The following CBR4 variants were observed in gnomAD, a reference collection of about 807,000 sequenced individuals.
The protein encoded by CBR4 is 3-oxoacyl-[acyl-carrier-protein] reductase.
A neutral mutation model predicts 21.0 loss-of-function variants in CBR4; 22 were observed. The observed-to-expected ratio is 1.05, with a 90% CI of 0.75 to 1.50. CBR4 has a LOEUF of 1.50. CBR4 is among the 40% of genes most tolerant of loss of function. The pLI, the probability that CBR4 is intolerant of heterozygous loss-of-function variation, is 0.00. For missense variants in CBR4, 302 were observed against 286.3 expected (o/e 1.05, Z -0.40); for synonymous variants, 100 against 104.4 (o/e 0.96, Z 0.26).
At chr4:168,898,399 C>A (rs1755725545) in intron 2 of CBR4, 4 of 797,722 alleles carry the variant, frequency 5.0e-6, no homozygotes, top group African/African-American at 1.7e-5. Flanking sequence ...GTAAAAATAT[C>A]ACTGTCTTCT....
At chr4:169,009,512 A>C (rs527481809) in intron 1 of CBR4, among the ~76,000 whole-genome samples, 1 of 152,032 alleles carries the variant, frequency 6.6e-6, no homozygotes, top group Admixed American at 6.6e-5. Context: ...TGGTACCTGC[A>C]CTCCCACCTT....
At chr4:168,970,660 CCA>C (rs1388009606) in intron 2 of CBR4, among the ~76,000 whole-genome samples, 1 of 151,982 alleles carries the variant, frequency 6.6e-6, no homozygotes, top group Non-Finnish European at 1.5e-5. Flanking sequence ...CTGCAAGGCC[CCA>C]GAGTCCATTA....
chr4:168,947,520 G>A (rs564207641), intron 2 of CBR4, among the ~76,000 whole-genome samples: 43 of 152,154 alleles, frequency 2.8e-4, no homozygotes, highest in African/African-American at 9.6e-4. Flanking sequence ...ATTTGTAATC[G>A]TTTATTCCTC....
intron 4 of CBR4, among the ~76,000 whole-genome samples, chr4:168,995,531 T>A (rs1441192448): frequency 6.6e-6 from 1 of 152,166 alleles, no homozygotes; most frequent in Non-Finnish European, 1.5e-5. Flanking sequence ...AGACATGGGC[T>A]GACATCCTTC....
intron 4 of CBR4, among the ~76,000 whole-genome samples, chr4:168,991,156 T>C (rs1764904141): frequency 6.6e-6 from 1 of 152,188 alleles, no homozygotes; most frequent in Non-Finnish European, 1.5e-5. Context: ...GACACTAAAA[T>C]ATCTGACCCC....
At chr4:168,984,025 C>T (rs1578980212), downstream of CBR4, among the ~76,000 whole-genome samples, 1 of 152,190 alleles carries the variant, frequency 6.6e-6, no homozygotes, top group Non-Finnish European at 1.5e-5. Context: ...TCTCACCACT[C>T]CTATTCAACA....
chr4:168,921,789 C>T (rs1377410151), intron 2 of CBR4: 1 of 1,383,802 alleles, frequency 7.2e-7, no homozygotes, highest in East Asian at 2.3e-5. Flanking sequence ...GAACATCAGA[C>T]TTACAAATGT....
chr4:168,970,942 G>A (rs957014668), intron 2 of CBR4, among the ~76,000 whole-genome samples: 2 of 152,148 alleles, frequency 1.3e-5, no homozygotes, highest in African/African-American at 4.8e-5. Flanking sequence ...AAACATGCGT[G>A]TGCATGTGTC....
At chr4:168,968,023 CATA>C (rs1305344816) in intron 2 of CBR4, among the ~76,000 whole-genome samples, 1 of 152,236 alleles carries the variant, frequency 6.6e-6, no homozygotes, top group African/African-American at 2.4e-5. Flanking sequence ...TCTCACTTTC[CATA>C]ATGACAAATT....
At chr4:168,927,410 CA>C (rs1762700059) in intron 2 of CBR4, 1 of 232,746 alleles carries the variant, frequency 4.3e-6, no homozygotes. Context: ...GTGGAGCACA[CA>C]TGCTGTGGAG....
At chr4:169,006,992 C>T (rs1261757591) in intron 2 of CBR4, 101 bp from the exon 3 acceptor site, 1 of 882,634 alleles carries the variant, frequency 1.1e-6, no homozygotes, top group Non-Finnish European at 1.8e-6. Flanking sequence ...AGAAGTGCTT[C>T]CTATCTGAGC....
At chr4:168,991,547 G>C (rs1764923833) in intron 4 of CBR4, among the ~76,000 whole-genome samples, 2 of 152,066 alleles carry the variant, frequency 1.3e-5, no homozygotes, top group South Asian at 2.1e-4. Context: ...AGTAAAGCCT[G>C]CCAAGAAAAT....
At chr4:168,942,260 C>T (rs1763285212) in intron 2 of CBR4, among the ~76,000 whole-genome samples, 1 of 151,810 alleles carries the variant, frequency 6.6e-6, no homozygotes, top group African/African-American at 2.4e-5. Context: ...GGAGGGAGAG[C>T]ATTAGAACAA....
In CBR4 at chr4:168,898,536, T is replaced by C. The variant is rs749391847; in HGVS notation, n.170-3771A>G. ...TGTGAACAGAGACTCATCAGTGAAA[T>C]AGAGTACAGGCTAGAAAGGTCTCCT... On this transcript the variant is annotated intron_variant and non_coding_transcript_variant, in intron 2 of 3. Coordinates refer to the CBR4 transcript ENST00000509108. 17 of 1,613,724 alleles carry C rather than the reference T, an allele frequency of 1.1e-5. No homozygotes were observed. The highest frequency in any genetic ancestry group is 1.4e-5 in the Non-Finnish European group (17 of 1,179,710).
intron 4 of CBR4, among the ~76,000 whole-genome samples, chr4:168,991,710 T>C (rs192859649): frequency 2.7e-4 from 41 of 152,310 alleles, no homozygotes; most frequent in Non-Finnish European, 5.3e-4. Flanking sequence ...CAAATACGTA[T>C]TAATAAAATG....
At chr4:168,928,992 T>C (rs1035902382) in intron 2 of CBR4, among the ~76,000 whole-genome samples, 6 of 152,150 alleles carry the variant, frequency 3.9e-5, no homozygotes, top group African/African-American at 1.4e-4. Flanking sequence ...TGAGAGAAGG[T>C]GTGTATACAC....
intron 2 of CBR4, among the ~76,000 whole-genome samples, chr4:168,895,364 G>C (rs1754889355): frequency 6.6e-6 from 1 of 152,170 alleles, no homozygotes; most frequent in Admixed American, 6.5e-5. Flanking sequence ...CCTGGCAGCA[G>C]AGTGAGACTT....
At position 169,002,200 on chromosome 4, in the gene CBR4, T is replaced by C; in HGVS notation, c.406A>G (p.Ile136Val). 1 of 1,097,152 alleles carries C rather than the reference T, an allele frequency of 9.1e-7. No individual in the cohort carries two copies. The highest frequency in any genetic ancestry group is 1.2e-6 in the Non-Finnish European group (1 of 838,826). 68.0% of individuals were successfully genotyped at this position (1,097,152 alleles called of 1,614,324 possible). ...CCAGAGTTGCCTTTTAAGCCAACAA[T>C]GCTTCCTAGGACAAAAAAAAAAAAA... ...QGGSIVNVGS[I>V]VGLKGNSGQS... is the part of the protein sequence containing the mutation. Residue 136 changes from isoleucine (I) to valine (V), a missense_variant, in exon 4 of 5, where the codon ATT becomes GTT. Physicochemically the swap from Ile to Val is conservative, Grantham distance 29. Transcript: ENST00000306193.
At chr4:168,973,465 T>C (rs1485066903) in intron 2 of CBR4, among the ~76,000 whole-genome samples, 2 of 152,148 alleles carry the variant, frequency 1.3e-5, no homozygotes, top group Admixed American at 1.3e-4. Context: ...GTAGCTGGGA[T>C]TACAGGCACC....
Sources: allele counts gnomAD v4.1 joint callset (sites outside exome capture counted in the v4.1 genomes callset), GRCh38; gene constraint gnomAD v4.1.1; transcripts MANE v1.5; gene names NCBI Gene and HGNC (gene_info 2026-07-23, HGNC 2026-07-21).